CD83: variants seen among roughly 807,000 people sequenced by gnomAD.
The protein encoded by CD83 is CD83 molecule.
CD83 carries 22 observed loss-of-function variants against 24.6 expected under a neutral mutation model. The observed-to-expected ratio is 0.90, with a 90% confidence interval of 0.64 to 1.28. The LOEUF (loss-of-function observed/expected upper bound fraction) is 1.28. Among genes scored for constraint, CD83 ranks in the 50% most tolerant of loss-of-function variants. The pLI is 0.00. For synonymous variants in CD83, 101 were observed against 103.5 expected (o/e 0.98, Z 0.14); for missense variants, 253 against 252.8 (o/e 1.00, Z -0.01).
At chr6:14,130,258 G>T (rs778103229) in intron 2 of CD83, among the ~76,000 whole-genome samples, 1 of 152,222 alleles carries the variant, frequency 6.6e-6, no homozygotes, top group Non-Finnish European at 1.5e-5. Context: ...TACTGCATGT[G>T]TACATTCATT....
intron 2 of CD83, among the ~76,000 whole-genome samples, chr6:14,130,665 C>T (rs1169439622): frequency 6.6e-6 from 1 of 152,030 alleles, no homozygotes; most frequent in Non-Finnish European, 1.5e-5. Context: ...CTCAGGAGGC[C>T]AAGGGTGCAG....
At chr6:14,118,154 G>A (rs1759585244) in intron 2 of CD83, 89 bp downstream of exon 2, 1 of 930,298 alleles carries the variant, frequency 1.1e-6, no homozygotes, top group Non-Finnish European at 1.6e-6. Flanking sequence ...GACCCTCTGT[G>A]GCTGCCAGGT....
In CD83 at chr6:14,129,353, G is replaced by A. The variant is rs111660878; in HGVS notation, c.154-2167G>A. On this transcript the variant is annotated intron_variant, in intron 2 of 4. Coordinates refer to ENST00000379153, the MANE Select transcript of CD83 (RefSeq NM_004233.4). The surrounding 1 kb of genome is among the most constrained non-coding windows in gnomAD (Gnocchi z 4.3). Reference sequence around the variant, plus strand: ...GGAAGAAGCCGCTCTGCCAGGCAGCGGAAGGGAGAGGCAAGCAGTGTGAGC... The same window carrying A: ...GGAAGAAGCCGCTCTGCCAGGCAGCAGAAGGGAGAGGCAAGCAGTGTGAGC... Among the ~76,000 whole-genome samples, 1,019 of 152,302 alleles carry A rather than the reference G, an allele frequency of 6.7e-3. 13 individuals carry two copies. Among genetic ancestry groups the A allele is most frequent in the African/African-American group, 0.021 (865 of 41,558 alleles).
intron 2 of CD83, among the ~76,000 whole-genome samples, chr6:14,120,648 C>A (rs888458843): frequency 1.3e-5 from 2 of 152,246 alleles, no homozygotes; most frequent in African/African-American, 2.4e-5. Context: ...GAAGCACATT[C>A]TGCAGGCTGT....
intron 2 of CD83, among the ~76,000 whole-genome samples, chr6:14,118,388 T>C (rs969692813): frequency 3.3e-5 from 5 of 152,234 alleles, no homozygotes; most frequent in Non-Finnish European, 5.9e-5. Context: ...CCACCTGTGG[T>C]TGTGGGCCAG....
upstream of CD83, among the ~76,000 whole-genome samples, chr6:14,117,483 C>T (rs1027236987): frequency 4.0e-5 from 6 of 151,398 alleles, no homozygotes; most frequent in South Asian, 1.2e-3. This position sits in a 1 kb window ranked among gnomAD's most constrained non-coding sequence, Gnocchi z 4.6. Context: ...GGGCGTCACG[C>T]GGGGATTGCT....
chr6:14,133,109 T>G (rs986347037), intron 3 of CD83, among the ~76,000 whole-genome samples: 3 of 152,266 alleles, frequency 2.0e-5, no homozygotes, highest in African/African-American at 7.2e-5. Flanking sequence ...AAAAATCTGT[T>G]GACGTATTTG....
chr6:14,118,883 C>G (rs1759606564), intron 2 of CD83, among the ~76,000 whole-genome samples: 1 of 152,238 alleles, frequency 6.6e-6, no homozygotes, highest in Non-Finnish European at 1.5e-5. Flanking sequence ...CACAGCACCT[C>G]CATTTTAACC....
intron 3 of CD83, 138 bp from the exon 4 acceptor site, chr6:14,133,511 T>C (rs1007318550): frequency 1.6e-4 from 99 of 626,580 alleles, no homozygotes; most frequent in Non-Finnish European, 2.3e-5. Flanking sequence ...TCACTGTCAC[T>C]GTTACTGTCG....
At chr6:14,127,032 A>G (rs777725947) in intron 2 of CD83, among the ~76,000 whole-genome samples, 11 of 151,100 alleles carry the variant, frequency 7.3e-5, no homozygotes, top group Non-Finnish European at 1.2e-4. Flanking sequence ...TCTGTCACCC[A>G]GGCTGGAGCG....
chr6:14,122,064 GCATCACA>G (rs1439866012), intron 2 of CD83, among the ~76,000 whole-genome samples: 1 of 152,164 alleles, frequency 6.6e-6, no homozygotes, highest in African/African-American at 2.4e-5. Flanking sequence ...GGAGAGTGAA[GCATCACA>G]AGACAAGTGC....
At chr6:14,126,934 G>GT (rs11452855) in intron 2 of CD83, among the ~76,000 whole-genome samples, 8,927 of 150,378 alleles carry the variant, frequency 0.059, 393 homozygotes, top group East Asian at 0.21. Flanking sequence ...TTTTTATACT[G>GT]TTTTTTTTTC....
At chr6:14,117,386 C>A (rs1287038322), upstream of CD83, 2 of 152,186 alleles carry the variant, frequency 1.3e-5, no homozygotes, top group East Asian at 3.9e-4. This position sits in a 1 kb window ranked among gnomAD's most constrained non-coding sequence, Gnocchi z 4.6. Flanking sequence ...GGGCAGATCC[C>A]GCTCGGATGG....
chr6:14,133,480 C>T (rs112470180), intron 3 of CD83, among the ~76,000 whole-genome samples, 169 bp from the exon 4 acceptor site: 132 of 152,330 alleles, frequency 8.7e-4, no homozygotes, highest in African/African-American at 3.0e-3. Context: ...CGACAGTGCG[C>T]GCCGGCTGCT....
chr6:14,134,353 G>T (rs1162757750), intron 4 of CD83, among the ~76,000 whole-genome samples: 1 of 152,226 alleles, frequency 6.6e-6, no homozygotes, highest in African/African-American at 2.4e-5. Flanking sequence ...GCTGTTGGTT[G>T]CAGGTTCTGG....
intron 2 of CD83, among the ~76,000 whole-genome samples, chr6:14,125,529 G>A (rs1229128055): frequency 6.6e-6 from 1 of 152,158 alleles, no homozygotes; most frequent in East Asian, 1.9e-4. Flanking sequence ...TATTCTCAAG[G>A]GACTTTGACT....
Position 14,136,865 on chromosome 6 carries a change from AC to A in CD83, c.*1630del, listed in dbSNP as rs776442098. ...TTAAAATGAAAGTTAAAAATAAAAA[AC>A]ATATACAAATAAAAAAATCCCGACT... On this transcript the variant is annotated 3_prime_UTR_variant, in exon 5 of 5. Coordinates refer to ENST00000379153, the MANE Select transcript of CD83 (RefSeq NM_004233.4). 2 of 152,218 alleles carry A rather than the reference AC, an allele frequency of 1.3e-5. No individual in the cohort carries two copies. Among genetic ancestry groups the A allele is most frequent in the Non-Finnish European group, 2.9e-5 (2 of 68,046 alleles). The allele number at this position is 152,218 out of a possible 1,614,324, so 9.4% of individuals were successfully genotyped here. A position where few individuals can be genotyped will look rare whatever the true frequency, so the allele number is the denominator to read the frequency against.
rs1350559651 is a variant in CD83 at position 14,117,975 on chromosome 6, G to A, written c.63G>A (p.Pro21=). The A allele has an allele frequency of 5.6e-6, 9 of 1,610,122 alleles. No homozygotes were observed. The highest frequency in any genetic ancestry group is 2.2e-5 in the South Asian group (2 of 90,598). Reference sequence around the variant, plus strand: ...CCTACAGCCTGGCTCCCGCGACGCCGGAGGTGAAGGTGGCTTGCTCCGAAG... The same window carrying A: ...CCTACAGCCTGGCTCCCGCGACGCCAGAGGTGAAGGTGGCTTGCTCCGAAG... ...SCAYSLAPAT[P]EVKVACSEDV... Residue 21 remains proline (P), a synonymous_variant, in exon 2 of 5, where the codon CCG becomes CCA. Transcript: ENST00000379153. The surrounding 1 kb of genome is among the most constrained non-coding windows in gnomAD (Gnocchi z 4.6).
intron 2 of CD83, among the ~76,000 whole-genome samples, chr6:14,127,279 C>T (rs549235476): frequency 1.8e-4 from 28 of 152,208 alleles, no homozygotes; most frequent in African/African-American, 6.3e-4. Flanking sequence ...CATGAGCCAC[C>T]GTGCCTGGCC....
Sources: gnomAD v4.1 joint callset for allele counts (sites outside exome capture counted in the v4.1 genomes callset) on GRCh38, gnomAD v4.1.1 for gene constraint, Gnocchi (gnomAD v3.1) non-coding constraint, MANE v1.5 for transcripts, NCBI Gene and HGNC (gene_info 2026-07-23, HGNC 2026-07-21) for gene names.